The following NKAIN2 variants were observed in gnomAD, a reference collection of about 807,000 sequenced individuals.
NKAIN2 encodes sodium/potassium-transporting ATPase subunit beta-1-interacting protein 2.
A neutral mutation model predicts 32.6 loss-of-function variants in NKAIN2; 14 were observed. The ratio of observed to expected loss-of-function variants is 0.43; its 90% CI spans 0.28 to 0.67. The LOEUF (loss-of-function observed/expected upper bound fraction) is 0.67. NKAIN2 is among the 30% of genes least tolerant of loss of function. NKAIN2 has a pLI of 0.17. For missense variants in NKAIN2, 198 were observed against 258.3 expected, an observed-to-expected ratio of 0.77 and a Z score of 1.60; for synonymous variants, 80 against 87.2, an observed-to-expected ratio of 0.92 and a Z score of 0.46.
At chr6:124,730,043 A>C (rs1179424825) in intron 4 of NKAIN2, among the ~76,000 whole-genome samples, 27 of 120,256 alleles carry the variant, frequency 2.2e-4, no homozygotes, top group South Asian at 1.2e-3. Flanking sequence ...CAAACCACTG[A>C]TCAAGGAAAT....
intron 1 of NKAIN2, among the ~76,000 whole-genome samples, chr6:124,038,009 A>C (rs1781682173): frequency 6.6e-6 from 1 of 152,154 alleles, no homozygotes; most frequent in Admixed American, 6.6e-5. Context: ...TGCTTTGTTA[A>C]AGTAAGGGTC....
At chr6:123,908,542 C>T (rs897564424) in intron 1 of NKAIN2, among the ~76,000 whole-genome samples, 7 of 152,132 alleles carry the variant, frequency 4.6e-5, no homozygotes, top group African/African-American at 1.4e-4. Context: ...TCTTATATTA[C>T]AAAACTTAGT....
intron 3 of NKAIN2, among the ~76,000 whole-genome samples, chr6:124,598,087 T>C (rs1009587923): frequency 7.9e-5 from 12 of 152,176 alleles, no homozygotes; most frequent in African/African-American, 1.7e-4. Context: ...ATAAGTTCAT[T>C]TCAAGAAAAA....
intron 5 of NKAIN2, among the ~76,000 whole-genome samples, chr6:124,805,345 G>A (rs1315089056): frequency 6.6e-6 from 1 of 152,168 alleles, no homozygotes; most frequent in African/African-American, 2.4e-5. Context: ...AAAAACCACT[G>A]TTCTGCAGAC....
At chr6:124,178,269 A>G (rs1436870745) in intron 1 of NKAIN2, among the ~76,000 whole-genome samples, 1 of 151,486 alleles carries the variant, frequency 6.6e-6, no homozygotes, top group African/African-American at 2.4e-5. Context: ...ATTTTGTTAC[A>G]GCAGCCAAAT....
chr6:124,597,737 TC>T (rs775156889), intron 3 of NKAIN2, among the ~76,000 whole-genome samples: 2 of 152,136 alleles, frequency 1.3e-5, no homozygotes, highest in Non-Finnish European at 2.9e-5. Flanking sequence ...ATTATAGAAT[TC>T]AACTTCTGGC....
intron 3 of NKAIN2, among the ~76,000 whole-genome samples, chr6:124,511,225 T>C (rs1022622212): frequency 6.6e-6 from 1 of 152,174 alleles, no homozygotes; most frequent in African/African-American, 2.4e-5. Flanking sequence ...ATCTTGAGCA[T>C]TTTAGTTCAG....
chr6:124,619,525 C>A (rs1783031926), intron 3 of NKAIN2, among the ~76,000 whole-genome samples: 1 of 152,058 alleles, frequency 6.6e-6, no homozygotes, highest in African/African-American at 2.4e-5. Context: ...GAAGAAAAAA[C>A]AAAAGTTATA....
At chr6:123,931,839 A>G (rs951492086) in intron 1 of NKAIN2, among the ~76,000 whole-genome samples, 29 of 152,190 alleles carry the variant, frequency 1.9e-4, no homozygotes, top group African/African-American at 6.3e-4. Flanking sequence ...TGCCCAACCA[A>G]TGCACATCTT....
At chr6:124,586,483 A>G (rs1388474059) in intron 3 of NKAIN2, among the ~76,000 whole-genome samples, 1 of 152,130 alleles carries the variant, frequency 6.6e-6, no homozygotes, top group Non-Finnish European at 1.5e-5. Flanking sequence ...ACAACTGCCT[A>G]TCGGGTACTA....
intron 3 of NKAIN2, among the ~76,000 whole-genome samples, chr6:124,381,185 G>A (rs1772618011): frequency 6.6e-6 from 1 of 152,248 alleles, no homozygotes; most frequent in East Asian, 1.9e-4. Flanking sequence ...AAAATGTAAA[G>A]CAGTGTCACT....
chr6:124,439,201 A>G (rs1011889717), intron 3 of NKAIN2, among the ~76,000 whole-genome samples: 1 of 152,122 alleles, frequency 6.6e-6, no homozygotes, highest in Non-Finnish European at 1.5e-5. Flanking sequence ...CTTGGTTTTC[A>G]TTCTGTGTTT....
intron 3 of NKAIN2, among the ~76,000 whole-genome samples, chr6:124,374,985 A>G (rs1331647544): frequency 3.9e-5 from 6 of 152,086 alleles, no homozygotes; most frequent in East Asian, 1.9e-4. Context: ...AGATTCCTCT[A>G]TGGCATTCTA....
At chr6:124,185,394 G>A (rs1789666099) in intron 1 of NKAIN2, among the ~76,000 whole-genome samples, 1 of 151,956 alleles carries the variant, frequency 6.6e-6, no homozygotes, top group Non-Finnish European at 1.5e-5. Context: ...AAGCCCTAGG[G>A]ACTTAAACAG....
chr6:124,180,293 T>C (rs553141334), intron 1 of NKAIN2, among the ~76,000 whole-genome samples: 2 of 152,254 alleles, frequency 1.3e-5, no homozygotes, highest in Non-Finnish European at 2.9e-5. Flanking sequence ...CTCATAATCA[T>C]GGTGAAAGGC....
At chr6:124,421,285 T>G (rs1421193788) in intron 3 of NKAIN2, among the ~76,000 whole-genome samples, 1 of 152,106 alleles carries the variant, frequency 6.6e-6, no homozygotes. Flanking sequence ...CTCTTTTAAC[T>G]CCTCTCAAAA....
intron 1 of NKAIN2, among the ~76,000 whole-genome samples, chr6:124,087,059 T>A (rs1327463795): frequency 6.6e-6 from 1 of 151,910 alleles, no homozygotes; most frequent in Admixed American, 6.6e-5. Context: ...TAATATATTT[T>A]AAAAATGTAG....
intron 4 of NKAIN2, among the ~76,000 whole-genome samples, chr6:124,687,326 A>G (rs1445447633): frequency 1.4e-5 from 2 of 139,968 alleles, no homozygotes; most frequent in South Asian, 2.3e-4. Context: ...TGTAATATAT[A>G]TATTCCATAC....
At chr6:124,062,652 C>T (rs768708833) in intron 1 of NKAIN2, among the ~76,000 whole-genome samples, 3 of 152,108 alleles carry the variant, frequency 2.0e-5, no homozygotes, top group Non-Finnish European at 2.9e-5. Context: ...TGGGCTCAAA[C>T]GATACACCTG....
Sources: allele counts gnomAD v4.1 joint callset (sites outside exome capture counted in the v4.1 genomes callset), GRCh38; gene constraint gnomAD v4.1.1; transcripts MANE v1.5; gene names NCBI Gene and HGNC (gene_info 2026-07-23, HGNC 2026-07-21).